ZFP2: variants seen among roughly 807,000 people sequenced by gnomAD.
ZFP2 encodes the protein zinc finger protein ZFP2.
In ZFP2, 33 loss-of-function variants were observed where a neutral mutation model predicts 36.1. The observed-to-expected ratio is 0.92, with a 90% confidence interval of 0.69 to 1.22. ZFP2 has a LOEUF of 1.22. Ranked by LOEUF, ZFP2 falls within the 50% of genes most tolerant of loss-of-function variation. The probability of loss-of-function intolerance (pLI) is 0.00; values close to 1 mark genes in which losing one functional copy is unlikely to be tolerated. For missense variants in ZFP2, 522 were observed against 551.4 expected (o/e 0.95, Z 0.53); for synonymous variants, 170 against 178.0 (o/e 0.96, Z 0.36).
chr5:178,910,351 C>T (rs142304595), intron 1 of ZFP2: 117 of 1,090,306 alleles, frequency 1.1e-4, no homozygotes, highest in Middle Eastern at 2.0e-4. Flanking sequence ...TCTTCCAACC[C>T]CTGCAAGGAA....
chr5:178,906,535 A>C (rs1469282403), intron 1 of ZFP2, among the ~76,000 whole-genome samples: 1 of 151,672 alleles, frequency 6.6e-6, no homozygotes, highest in African/African-American at 2.4e-5. Context: ...ATTTTAAATC[A>C]ATTTTAGAGT....
chr5:178,920,043 T>A (rs927438733), intron 4 of ZFP2, among the ~76,000 whole-genome samples: 16 of 152,200 alleles, frequency 1.1e-4, no homozygotes, highest in Admixed American at 3.9e-4. Context: ...TAGGTTGAAA[T>A]CTTCTGTCAA....
In ZFP2 at chr5:178,931,330, T is replaced by C. The variant is rs1758831886; in HGVS notation, c.17T>C (p.Ile6Thr). The change falls in exon 5 of 5, where the codon ATC becomes ACC. Residue 6 changes from isoleucine to threonine, a missense_variant. By Grantham distance (89) the Ile-to-Thr change is moderately conservative (BLOSUM62 -1). Transcript: ENST00000361362. MEREG[I>T]WHSTLGETWE... ...GGGGTAACAATGGAAAGGGAAGGTA[T>C]CTGGCATTCTACTCTAGGGGAAACC... 2 of 1,604,310 alleles carry C rather than the reference T, an allele frequency of 1.2e-6. No homozygotes were observed. Among genetic ancestry groups the C allele is most frequent in the South Asian group, 2.2e-5 (2 of 89,082 alleles).
intron 4 of ZFP2, among the ~76,000 whole-genome samples, chr5:178,924,237 G>GTGGCGGGC (rs1356734753): frequency 4.7e-5 from 7 of 148,274 alleles, no homozygotes; most frequent in Non-Finnish European, 7.6e-5. Context: ...GCCGGGCATG[G>GTGGCGGGC]TGGCGGGCAC....
intron 1 of ZFP2, chr5:178,909,856 C>G: frequency 6.3e-7 from 1 of 1,583,662 alleles, no homozygotes; most frequent in Non-Finnish European, 8.7e-7. Context: ...TTGCTGAGGT[C>G]AGGGCCAATC....
chr5:178,925,126 T>TATATAC (rs1176286324), intron 4 of ZFP2, among the ~76,000 whole-genome samples: 3 of 133,566 alleles, frequency 2.2e-5, no homozygotes, highest in Non-Finnish European at 4.8e-5. Context: ...TATATATATA[T>TATATAC]ACACACACAC....
At chr5:178,920,246 G>A (rs1758528611) in intron 4 of ZFP2, among the ~76,000 whole-genome samples, 1 of 151,914 alleles carries the variant, frequency 6.6e-6, no homozygotes, top group Non-Finnish European at 1.5e-5. Context: ...CTTTTAATCT[G>A]TCTTCAAGTT....
rs1263465753 is a variant in ZFP2, at chr5:178,931,787, T to C, written c.474T>C (p.Tyr158=). ...HQRIHTGEKP[Y]KCNECGKAFS... is the part of the protein sequence containing the mutation. The stretch of plus-strand genomic sequence containing the variant: ...GAATTCATACTGGAGAGAAACCCTA[T>C]AAATGTAATGAATGTGGGAAAGCCT... Residue 158 remains tyrosine (Y), a synonymous_variant, in exon 5 of 5, where the codon TAT becomes TAC. Coordinates refer to ENST00000361362, the MANE Select transcript of ZFP2 (RefSeq NM_030613.4). The C allele has an allele frequency of 3.1e-6, 5 of 1,614,046 alleles. No individual in the cohort carries two copies. Among genetic ancestry groups the C allele is most frequent in the African/African-American group, 1.3e-5 (1 of 75,030 alleles).
chr5:178,917,228 C>T (rs1258420898), intron 4 of ZFP2, among the ~76,000 whole-genome samples: 2 of 152,106 alleles, frequency 1.3e-5, no homozygotes, highest in Non-Finnish European at 2.9e-5. Flanking sequence ...TGTAAAAATA[C>T]AGTTGGGGAT....
rs188295229 is a variant in ZFP2 at position 178,921,565 on chromosome 5, A to G, written c.-78+4855A>G. 3.3e-5 allele frequency among the ~76,000 whole-genome samples: 5 copies of G among 149,658 alleles called. No homozygotes were observed. In the East Asian group the frequency reaches 9.7e-4, roughly 29 times the overall value. On this transcript the variant is annotated intron_variant, in intron 4 of 4. Coordinates refer to ENST00000361362, the MANE Select transcript of ZFP2 (RefSeq NM_030613.4). ...CTTAAGTGCTGGGGTGCAATAGAAC[A>G]GAGAAAGGGGAAAAAATAGGCAATT...
chr5:178,932,751 T>C lies in ZFP2; in HGVS notation c.*52T>C. On this transcript the variant is annotated 3_prime_UTR_variant, in exon 5 of 5. Transcript: ENST00000361362. ...ATGATTAACTCTTCAGTAATAATCA[T>C]ATGAGACATACAATGTAGAAACCTA... is the stretch of plus-strand genomic sequence containing the variant. 6.6e-7 allele frequency: 1 copy of C among 1,519,656 alleles called. No individual in the cohort carries two copies. The highest frequency in any genetic ancestry group is 1.4e-5 in the African/African-American group (1 of 71,882). The allele number at this position is 1,519,656 out of a possible 1,614,324, so 94.1% of individuals were successfully genotyped here.
At chr5:178,917,651 C>T (rs1208577545) in intron 4 of ZFP2, among the ~76,000 whole-genome samples, 2 of 151,998 alleles carry the variant, frequency 1.3e-5, no homozygotes, top group Admixed American at 6.6e-5. Flanking sequence ...TACTGGATAA[C>T]TACTTCTGCA....
intron 4 of ZFP2, among the ~76,000 whole-genome samples, chr5:178,925,108 T>TAC (rs1491452843): frequency 5.6e-5 from 2 of 35,666 alleles, no homozygotes; most frequent in African/African-American, 7.8e-5. Context: ...ATTGAATCTT[T>TAC]ATATATATAT....
chr5:178,910,338 A>G (rs1376846055), intron 1 of ZFP2: 5 of 1,136,382 alleles, frequency 4.4e-6, no homozygotes, highest in Non-Finnish European at 6.7e-6. Context: ...GCACCTGAAC[A>G]GTTCTTCCAA....
At chr5:178,905,856 A>G (rs1316476535) in intron 1 of ZFP2, among the ~76,000 whole-genome samples, 1 of 151,736 alleles carries the variant, frequency 6.6e-6, no homozygotes, top group Admixed American at 6.6e-5. Flanking sequence ...AGCTCAAGCC[A>G]TGTTCCCACC....
Position 178,932,518 on chromosome 5 carries a change from G to T in ZFP2, c.1205G>T (p.Arg402Ile), listed in dbSNP as rs1758872414. Residue 402 changes from arginine to isoleucine, a missense_variant, in exon 5 of 5, where the codon AGA becomes ATA. By Grantham distance (97) the Arg-to-Ile change is moderately conservative. Transcript: ENST00000361362. ...SQSAYLIEHQ[R>I]IHTGEKPYEC... ...AGTGCTTACCTTATTGAACATCAAAGAATTCATACTGGTGAGAAACCCTAT... is the reference window on the plus strand; with the variant it reads ...AGTGCTTACCTTATTGAACATCAAATAATTCATACTGGTGAGAAACCCTAT... 1.2e-6 allele frequency: 2 copies of T among 1,614,130 alleles called. No individual in the cohort carries two copies. Among genetic ancestry groups the T allele is most frequent in the South Asian group, 1.1e-5 (1 of 91,074 alleles).
In ZFP2 at chr5:178,913,035, C is replaced by T. The variant is rs537482235; in HGVS notation, c.-260C>T. ...TTCCCAGCTGGAACGAGAACTGAGTCTGATGCAAAAAGAACCGCCTGAGGG... is the reference window on the plus strand; with the variant it reads ...TTCCCAGCTGGAACGAGAACTGAGTTTGATGCAAAAAGAACCGCCTGAGGG... On this transcript the variant is annotated 5_prime_UTR_variant, in exon 3 of 5. Coordinates refer to ENST00000361362, the MANE Select transcript of ZFP2 (RefSeq NM_030613.4). 1.0e-6 allele frequency: 1 copy of T among 985,774 alleles called. No individual in the cohort carries two copies. Among genetic ancestry groups the T allele is most frequent in the African/African-American group, 1.7e-5 (1 of 57,238 alleles). The allele number at this position is 985,774 out of a possible 1,614,324, so 61.1% of individuals were successfully genotyped here. A position where few individuals can be genotyped will look rare whatever the true frequency, so the allele number is the denominator to read the frequency against.
At chr5:178,907,958 A>T (rs1246061451) in intron 1 of ZFP2, among the ~76,000 whole-genome samples, 1 of 152,210 alleles carries the variant, frequency 6.6e-6, no homozygotes, top group Non-Finnish European at 1.5e-5. Context: ...TCAACATGAA[A>T]TGCAATAGGT....
intron 1 of ZFP2, among the ~76,000 whole-genome samples, chr5:178,908,596 T>C (rs1009051841): frequency 4.6e-3 from 397 of 85,944 alleles, no homozygotes; most frequent in African/African-American, 0.01. Flanking sequence ...CATCCCCCCC[T>C]CCCTGCTCTA....
Sources: allele counts gnomAD v4.1 joint callset (sites outside exome capture counted in the v4.1 genomes callset), GRCh38; gene constraint gnomAD v4.1.1; transcripts MANE v1.5; gene names NCBI Gene and HGNC (gene_info 2026-07-23, HGNC 2026-07-21).